The following ATL2 variants were observed in gnomAD, a reference collection of about 807,000 sequenced individuals.
ATL2 encodes the protein atlastin GTPase 2.
A neutral mutation model predicts 73.9 loss-of-function variants in ATL2; 31 were observed. The ratio of observed to expected loss-of-function variants is 0.42; its 90% CI spans 0.32 to 0.57. The LOEUF is 0.57. ATL2 is among the 20% of genes least tolerant of loss of function. The probability of loss-of-function intolerance (pLI) is 0.14; values close to 1 mark genes in which losing one functional copy is unlikely to be tolerated. For missense variants in ATL2, 738 were observed against 702.6 expected, an observed-to-expected ratio of 1.05 and a Z score of -0.57; for synonymous variants, 291 against 237.5, an observed-to-expected ratio of 1.23 and a Z score of -2.07.
chr2:38,377,135 G>A lies in ATL2; in HGVS notation c.118+8C>T, dbSNP rs758278927. On this transcript the variant is annotated splice_region_variant and intron_variant, in intron 1 of 12. Coordinates refer to ENST00000378954, the MANE Select transcript of ATL2 (RefSeq NM_001135673.4). ...GGGCCCCGCGGCCTCTGCCTCGCTG[G>A]CCCGTACCTAGGGAGGTCGTGGACG... The A allele has an allele frequency of 1.6e-5, 26 of 1,609,042 alleles. No homozygotes were observed. The highest frequency in any genetic ancestry group is 2.2e-4 in the Middle Eastern group (1 of 4,520).
chr2:38,344,934 A>C (rs1669937032), intron 1 of ATL2, among the ~76,000 whole-genome samples: 1 of 152,228 alleles, frequency 6.6e-6, no homozygotes, highest in South Asian at 2.1e-4. Flanking sequence ...AAAATAAGGT[A>C]ACCTTTGCAG....
chr2:38,338,943 C>A (rs938567781), intron 2 of ATL2, among the ~76,000 whole-genome samples: 1 of 151,936 alleles, frequency 6.6e-6, no homozygotes, highest in Non-Finnish European at 1.5e-5. Flanking sequence ...GTCAAGATCA[C>A]CAGGCTCACA....
chr2:38,310,870 AC>A (rs1286935365), intron 7 of ATL2, among the ~76,000 whole-genome samples: 1 of 150,986 alleles, frequency 6.6e-6, no homozygotes, highest in Non-Finnish European at 1.5e-5. Context: ...CAGGTAATCC[AC>A]CCGCCTCGGC....
rs138986838 is a variant in ATL2 at position 38,303,612 on chromosome 2, A to C, written c.1072-3284T>G. On this transcript the variant is annotated intron_variant, in intron 9 of 12. Coordinates refer to ENST00000378954, the MANE Select transcript of ATL2 (RefSeq NM_001135673.4). ...TGAAAAAGAATGAAGCATGCCTACA[A>C]GATCTAGAAAATAGCCCCAAAAGGG... is the stretch of plus-strand genomic sequence containing the variant. Among the ~76,000 whole-genome samples the C allele has an allele frequency of 7.2e-3, 1,101 of 152,326 alleles. 12 individuals are homozygous for C. The highest frequency in any genetic ancestry group is 0.027 in the Middle Eastern group (8 of 294).
In ATL2 at chr2:38,331,779, T is replaced by C. The variant is rs145636393; in HGVS notation, c.363+11489A>G. 3.1e-3 allele frequency among the ~76,000 whole-genome samples: 474 copies of C among 151,942 alleles called. 6 individuals carry two copies. Among genetic ancestry groups the C allele is most frequent in the African/African-American group, 0.011 (436 of 41,452 alleles). On this transcript the variant is annotated intron_variant, in intron 2 of 12. Coordinates refer to ENST00000378954, the MANE Select transcript of ATL2 (RefSeq NM_001135673.4). ...TTTCCAAAAATGGTGCTGGGACAAATAGATACATAACCAAAAAATGAAGGA... is the reference window on the plus strand; with the variant it reads ...TTTCCAAAAATGGTGCTGGGACAAACAGATACATAACCAAAAAATGAAGGA...
At chr2:38,308,518 G>C (rs1337409292) in intron 9 of ATL2, among the ~76,000 whole-genome samples, 2 of 151,988 alleles carry the variant, frequency 1.3e-5, no homozygotes, top group Non-Finnish European at 2.9e-5. Flanking sequence ...AATATAGTTA[G>C]AATAAGATCT....
intron 1 of ATL2, among the ~76,000 whole-genome samples, chr2:38,360,815 TTTC>T (rs1225807971): frequency 1.3e-5 from 2 of 152,144 alleles, no homozygotes; most frequent in Non-Finnish European, 2.9e-5. Context: ...ATATTGAAAC[TTTC>T]TTACTTTAAT....
At chr2:38,370,150 CA>C (rs962952444) in intron 1 of ATL2, among the ~76,000 whole-genome samples, 177 of 43,922 alleles carry the variant, frequency 4.0e-3, no homozygotes, top group South Asian at 0.037. Context: ...GAGACTCCGT[CA>C]AAAAAAAAAA....
At chr2:38,374,435 G>C (rs897544537) in intron 1 of ATL2, among the ~76,000 whole-genome samples, 1 of 152,158 alleles carries the variant, frequency 6.6e-6, no homozygotes, top group Non-Finnish European at 1.5e-5. Flanking sequence ...ACCATTACAC[G>C]TTAAAAACAA....
chr2:38,362,476 G>C (rs1019027739), intron 1 of ATL2, among the ~76,000 whole-genome samples: 5 of 152,068 alleles, frequency 3.3e-5, no homozygotes, highest in African/African-American at 1.2e-4. Flanking sequence ...GAACCATCTG[G>C]GTAACTGGCT....
intron 1 of ATL2, among the ~76,000 whole-genome samples, chr2:38,362,187 G>A (rs79724148): frequency 5.3e-5 from 8 of 152,242 alleles, no homozygotes; most frequent in African/African-American, 1.4e-4. Context: ...AGGTGGATTC[G>A]CTAACATCTG....
At chr2:38,375,036 A>G (rs1278223457) in intron 1 of ATL2, among the ~76,000 whole-genome samples, 5 of 152,246 alleles carry the variant, frequency 3.3e-5, no homozygotes, top group African/African-American at 1.2e-4. Flanking sequence ...AATCATATCT[A>G]CAGAATCCTA....
In ATL2 at chr2:38,294,799, T is replaced by C. The variant is rs1666802170; in HGVS notation, c.*1195A>G. The C allele has an allele frequency of 6.6e-6, 1 of 152,284 alleles. No individual in the cohort carries two copies. Among genetic ancestry groups the C allele is most frequent in the African/African-American group, 2.4e-5 (1 of 41,556 alleles). 9.4% of individuals were successfully genotyped at this position (152,284 alleles called of 1,614,324 possible). A position where few individuals can be genotyped will look rare whatever the true frequency, so the allele number is the denominator to read the frequency against. On this transcript the variant is annotated 3_prime_UTR_variant, in exon 13 of 13. Coordinates refer to ENST00000378954, the MANE Select transcript of ATL2 (RefSeq NM_001135673.4). The stretch of plus-strand genomic sequence containing the variant: ...AGCTCTCAACTGGGGTGTTTCCTGC[T>C]CATGCTCTTTTCACTATAAACAAAT...
intron 1 of ATL2, among the ~76,000 whole-genome samples, chr2:38,354,517 A>C (rs973201618): frequency 6.6e-6 from 1 of 152,224 alleles, no homozygotes; most frequent in Non-Finnish European, 1.5e-5. Flanking sequence ...CTAAATAGGC[A>C]GATATATTAA....
intron 1 of ATL2, among the ~76,000 whole-genome samples, chr2:38,355,640 G>A (rs1405888537): frequency 2.0e-5 from 3 of 150,024 alleles, no homozygotes; most frequent in African/African-American, 7.3e-5. Context: ...CAAAATACAC[G>A]AAGCAAAAAT....
chr2:38,365,958 AGGT>A (rs1671301128), intron 1 of ATL2, among the ~76,000 whole-genome samples: 2 of 135,660 alleles, frequency 1.5e-5, no homozygotes, highest in Non-Finnish European at 3.3e-5. Flanking sequence ...AAAAAAAAAG[AGGT>A]AAGTATTCAC....
chr2:38,355,967 G>T (rs1206628092), intron 1 of ATL2, among the ~76,000 whole-genome samples: 1 of 151,764 alleles, frequency 6.6e-6, no homozygotes, highest in East Asian at 1.9e-4. Context: ...AAAGTGCTGG[G>T]ATTACAGGCA....
chr2:38,323,564 A>G (rs912129587), intron 2 of ATL2, among the ~76,000 whole-genome samples: 6 of 152,158 alleles, frequency 3.9e-5, no homozygotes, highest in Non-Finnish European at 8.8e-5. Flanking sequence ...GACGTTCTAC[A>G]TAATATAATT....
chr2:38,304,348 C>G (rs1485772401), intron 9 of ATL2, among the ~76,000 whole-genome samples: 1 of 152,124 alleles, frequency 6.6e-6, no homozygotes, highest in African/African-American at 2.4e-5. Flanking sequence ...CAAACAAAAG[C>G]TGAGGAATTT....
Sources: allele counts gnomAD v4.1 joint callset (sites outside exome capture counted in the v4.1 genomes callset), GRCh38; gene constraint gnomAD v4.1.1; transcripts MANE v1.5; gene names NCBI Gene and HGNC (gene_info 2026-07-23, HGNC 2026-07-21).